Variants in SREK1IP1 observed in about 807,000 individuals in gnomAD.
SREK1IP1 encodes SREK1 interacting protein 1.
A neutral mutation model predicts 22.8 loss-of-function variants in SREK1IP1; 12 were observed. That is an observed-to-expected ratio of 0.53 (90% CI 0.34 to 0.85). The LOEUF (loss-of-function observed/expected upper bound fraction) is 0.85. Among genes scored for constraint, SREK1IP1 ranks in the 40% least tolerant of loss-of-function variants. The pLI, the probability that SREK1IP1 is intolerant of heterozygous loss-of-function variation, is 0.02. For synonymous variants in SREK1IP1, 53 were observed against 52.7 expected (o/e 1.01, Z -0.02); for missense variants, 147 against 171.8 (o/e 0.86, Z 0.81).
At chr5:64,730,838 T>C (rs1742365702) in intron 3 of SREK1IP1, among the ~76,000 whole-genome samples, 1 of 152,164 alleles carries the variant, frequency 6.6e-6, no homozygotes, top group South Asian at 2.1e-4. Context: ...GGGATCAGCA[T>C]AGAGAAGGCA....
chr5:64,760,156 T>C (rs1459779816), intron 1 of SREK1IP1, among the ~76,000 whole-genome samples: 2 of 152,212 alleles, frequency 1.3e-5, no homozygotes, highest in Non-Finnish European at 2.9e-5. Context: ...AATGATGTCA[T>C]GATCGCTAAG....
chr5:64,736,436 T>C (rs965479117), intron 3 of SREK1IP1, among the ~76,000 whole-genome samples: 6 of 152,134 alleles, frequency 3.9e-5, no homozygotes, highest in Non-Finnish European at 7.3e-5. Flanking sequence ...GTTTCAGATA[T>C]TTGTTAGTAG....
Position 64,724,247 on chromosome 5 carries a change from G to T in SREK1IP1, c.*137C>A. On this transcript the variant is annotated 3_prime_UTR_variant, in exon 5 of 5. Coordinates refer to ENST00000513458, the MANE Select transcript of SREK1IP1 (RefSeq NM_173829.4). ...AAAAATATATTGCCAGAGGGATAAT[G>T]GTCCCAAATACGAAAAATGTCTATA... The T allele has an allele frequency of 1.4e-6, 1 of 708,422 alleles. No homozygotes were observed. Among genetic ancestry groups the T allele is most frequent in the Non-Finnish European group, 2.3e-6 (1 of 437,554 alleles). 43.9% of individuals were successfully genotyped at this position (708,422 alleles called of 1,614,324 possible).
chr5:64,768,621 C>A lies in SREK1IP1; in HGVS notation c.-104G>T. On this transcript the variant is annotated 5_prime_UTR_variant, in exon 1 of 5. Coordinates refer to ENST00000513458, the MANE Select transcript of SREK1IP1 (RefSeq NM_173829.4). ...CAGTCAAAGCGGCGTTTTCCTTCCC[C>A]CAGCGCAGCAGCACCCTCGCTACGG... The A allele has an allele frequency of 6.4e-7, 1 of 1,552,450 alleles. No individual in the cohort carries two copies. The highest frequency in any genetic ancestry group is 2.3e-5 in the East Asian group (1 of 44,404).
intron 1 of SREK1IP1, among the ~76,000 whole-genome samples, chr5:64,764,067 A>C (rs986961258): frequency 6.6e-6 from 1 of 152,038 alleles, no homozygotes; most frequent in African/African-American, 2.4e-5. Flanking sequence ...TGTATTGCTT[A>C]AAGTTTTATG....
At chr5:64,740,214 A>T (rs1410267036) in intron 3 of SREK1IP1, among the ~76,000 whole-genome samples, 4 of 152,182 alleles carry the variant, frequency 2.6e-5, no homozygotes, top group Non-Finnish European at 4.4e-5. Context: ...AAAGACAGAG[A>T]GTGACCTGGA....
At chr5:64,735,245 T>C (rs1267019978) in intron 3 of SREK1IP1, among the ~76,000 whole-genome samples, 1 of 152,076 alleles carries the variant, frequency 6.6e-6, no homozygotes, top group Non-Finnish European at 1.5e-5. Context: ...AAAACCAACT[T>C]AGTCATATTA....
chr5:64,730,177 G>A (rs1242276588), intron 3 of SREK1IP1, among the ~76,000 whole-genome samples: 2 of 152,132 alleles, frequency 1.3e-5, no homozygotes, highest in African/African-American at 4.8e-5. Flanking sequence ...GAACCAAGAA[G>A]TAGGAATGTT....
chr5:64,741,400 T>C (rs1263777719), intron 2 of SREK1IP1, among the ~76,000 whole-genome samples, 200 bp from the exon 3 acceptor site: 1 of 152,150 alleles, frequency 6.6e-6, no homozygotes, highest in Non-Finnish European at 1.5e-5. Context: ...AGAAAGAACT[T>C]TTTCCTTTCT....
At chr5:64,742,377 G>A (rs1246022488) in intron 2 of SREK1IP1, among the ~76,000 whole-genome samples, 1 of 151,978 alleles carries the variant, frequency 6.6e-6, no homozygotes, top group Non-Finnish European at 1.5e-5. Context: ...AAAAAATAAT[G>A]CAAACAAGTG....
intron 3 of SREK1IP1, among the ~76,000 whole-genome samples, chr5:64,735,506 T>C (rs1742447546): frequency 6.6e-6 from 1 of 152,152 alleles, no homozygotes. Flanking sequence ...GCATGAAGTT[T>C]GCTGAAAGTT....
At chr5:64,752,299 C>A (rs1742760615) in intron 2 of SREK1IP1, among the ~76,000 whole-genome samples, 1 of 151,638 alleles carries the variant, frequency 6.6e-6, no homozygotes, top group Non-Finnish European at 1.5e-5. Flanking sequence ...CTACAGGCGC[C>A]CGCCACCACG....
intron 3 of SREK1IP1, among the ~76,000 whole-genome samples, chr5:64,739,980 C>T (rs1247400399): frequency 1.3e-5 from 2 of 152,050 alleles, no homozygotes; most frequent in Non-Finnish European, 2.9e-5. Flanking sequence ...TCTCTCATTC[C>T]TTGTCTAAGA....
intron 3 of SREK1IP1, among the ~76,000 whole-genome samples, chr5:64,738,493 A>G (rs183974939): frequency 1.0e-3 from 154 of 152,176 alleles, no homozygotes; most frequent in African/African-American, 3.5e-3. Context: ...TAATCCAAAA[A>G]TGTATACGGA....
chr5:64,749,448 T>C (rs901492647), intron 2 of SREK1IP1, among the ~76,000 whole-genome samples: 2 of 152,028 alleles, frequency 1.3e-5, no homozygotes, highest in African/African-American at 4.8e-5. Flanking sequence ...TTTTTTTTTT[T>C]TCCTTTGAGA....
chr5:64,728,903 G>GA (rs1175340615), intron 3 of SREK1IP1, among the ~76,000 whole-genome samples: 1 of 152,102 alleles, frequency 6.6e-6, no homozygotes, highest in Non-Finnish European at 1.5e-5. Context: ...TATATTTAAA[G>GA]AAAAAGCAGG....
intron 2 of SREK1IP1, among the ~76,000 whole-genome samples, chr5:64,744,764 A>G (rs980239738): frequency 9.2e-5 from 14 of 152,194 alleles, no homozygotes; most frequent in African/African-American, 3.4e-4. Flanking sequence ...AATTTTTAAC[A>G]TTAATTTCTT....
chr5:64,756,868 C>T (rs1349826457), intron 1 of SREK1IP1, among the ~76,000 whole-genome samples: 2 of 152,038 alleles, frequency 1.3e-5, no homozygotes, highest in East Asian at 1.9e-4. Context: ...CCTCATGATC[C>T]GCCTGCCTTA....
chr5:64,728,659 T>C (rs937294472), intron 3 of SREK1IP1, among the ~76,000 whole-genome samples: 1 of 152,236 alleles, frequency 6.6e-6, no homozygotes, highest in Non-Finnish European at 1.5e-5. Context: ...CATAGTTGCA[T>C]ATAAGTTCCA....
Sources: allele counts gnomAD v4.1 joint callset (sites outside exome capture counted in the v4.1 genomes callset), GRCh38; gene constraint gnomAD v4.1.1; transcripts MANE v1.5; gene names NCBI Gene and HGNC (gene_info 2026-07-23, HGNC 2026-07-21).